Variants in PCSK5 observed in about 807,000 individuals in gnomAD.
PCSK5 encodes the protein proprotein convertase subtilisin/kexin type 5, also known as prohormone convertase 5.
In PCSK5, 129 loss-of-function variants were observed where a neutral mutation model predicts 233.2. The ratio of observed to expected loss-of-function variants is 0.55; its 90% CI spans 0.48 to 0.64. The LOEUF (loss-of-function observed/expected upper bound fraction) is 0.64. PCSK5 is among the 30% of genes least tolerant of loss of function. The probability of loss-of-function intolerance (pLI) is 0.00; values close to 1 mark genes in which losing one functional copy is unlikely to be tolerated. For missense variants in PCSK5, 2,076 were observed against 2,430.1 expected (o/e 0.85, Z 3.06); for synonymous variants, 825 against 879.2 (o/e 0.94, Z 1.09).
intron 8 of PCSK5, among the ~76,000 whole-genome samples, chr9:76,101,444 A>G (rs1831752604): frequency 6.6e-6 from 1 of 152,220 alleles, no homozygotes; most frequent in Non-Finnish European, 1.5e-5. Context: ...CAAAAAGCCT[A>G]AAAGATCCTA....
intron 15 of PCSK5, among the ~76,000 whole-genome samples, chr9:76,180,865 C>CTGT (rs1254871400): frequency 6.6e-6 from 1 of 150,560 alleles, no homozygotes; most frequent in Non-Finnish European, 1.5e-5. Flanking sequence ...AAATAAAGCT[C>CTGT]TGTGCTTCCA....
At chr9:76,084,689 A>G (rs1427925781) in intron 7 of PCSK5, among the ~76,000 whole-genome samples, 5 of 152,126 alleles carry the variant, frequency 3.3e-5, no homozygotes, top group Non-Finnish European at 7.3e-5. Context: ...GTCTTTACTA[A>G]TTTTGAATTT....
intron 2 of PCSK5, among the ~76,000 whole-genome samples, chr9:75,940,325 A>G (rs1182508938): frequency 6.6e-6 from 1 of 152,238 alleles, no homozygotes; most frequent in East Asian, 1.9e-4. Flanking sequence ...ATTCTCTTGG[A>G]AAAGCAATTG....
chr9:76,181,127 A>G (rs1330734773), intron 15 of PCSK5, among the ~76,000 whole-genome samples: 1 of 152,162 alleles, frequency 6.6e-6, no homozygotes, highest in Admixed American at 6.6e-5. Flanking sequence ...CCTCTCTGTA[A>G]CCATCATCAT....
chr9:76,006,886 T>G (rs1827500990), intron 3 of PCSK5, among the ~76,000 whole-genome samples: 1 of 152,230 alleles, frequency 6.6e-6, no homozygotes, highest in Non-Finnish European at 1.5e-5. Flanking sequence ...ATGTATTTTT[T>G]GGTGTGGAGG....
chr9:76,228,755 G>C (rs1050787702), intron 21 of PCSK5, among the ~76,000 whole-genome samples: 2 of 152,254 alleles, frequency 1.3e-5, no homozygotes, highest in Non-Finnish European at 2.9e-5. Flanking sequence ...CAAGGGTGAT[G>C]AGGCTGCTCC....
chr9:76,333,620 C>T (rs1011903451), intron 34 of PCSK5, among the ~76,000 whole-genome samples: 3 of 152,198 alleles, frequency 2.0e-5, no homozygotes, highest in African/African-American at 7.2e-5. Flanking sequence ...CTCCCCCAGG[C>T]ATTCCCAGTA....
intron 20 of PCSK5, among the ~76,000 whole-genome samples, chr9:76,226,363 G>A (rs34998326): frequency 0.094 from 14,344 of 152,214 alleles, 776 homozygotes; most frequent in Admixed American, 0.14. Context: ...CCAGTAAAGC[G>A]ATGGGGGAAA....
At chr9:76,004,271 G>T (rs1827385316) in intron 3 of PCSK5, among the ~76,000 whole-genome samples, 1 of 151,754 alleles carries the variant, frequency 6.6e-6, no homozygotes, top group African/African-American at 2.4e-5. Context: ...TTTTTCAGGA[G>T]TAGATGAGGA....
chr9:76,043,335 C>CAAAAAAAAA, intron 5 of PCSK5, among the ~76,000 whole-genome samples: 1 of 64,014 alleles, frequency 1.6e-5, no homozygotes, highest in Non-Finnish European at 2.9e-5. Context: ...GACTCCATCT[C>CAAAAAAAAA]AAAAAAAAAA....
At chr9:76,134,247 A>G in intron 10 of PCSK5, 35 bp downstream of exon 10, 1 of 1,303,884 alleles carries the variant, frequency 7.7e-7, no homozygotes, top group South Asian at 1.3e-5. Flanking sequence ...CACAGGCAAA[A>G]TATTTTTATT....
intron 2 of PCSK5, among the ~76,000 whole-genome samples, chr9:75,960,738 C>T (rs985515380): frequency 6.6e-6 from 1 of 152,174 alleles, no homozygotes; most frequent in African/African-American, 2.4e-5. Context: ...TATTAACATT[C>T]GACAGCTGTT....
In PCSK5 at chr9:76,310,700, G is replaced by C. The variant is rs1159583826; in HGVS notation, c.3733G>C (p.Gly1245Arg). 1 of 1,608,390 alleles carries C rather than the reference G, an allele frequency of 6.2e-7. No individual in the cohort carries two copies. The change falls in exon 30 of 38, where the codon GGC (glycine) becomes CGC (arginine). Residue 1245 changes from glycine to arginine, a missense_variant. This residue lies in a region of PCSK5 where 1,510 missense variants were observed against 1,538.1 expected (regional missense o/e 0.98). Transcript: ENST00000674117. ...AQACVSSCPQGTWPSVRSGSC... is the reference protein window; with the variant it reads ...AQACVSSCPQRTWPSVRSGSC... ...GGCCTGTGTTTCCTCCTGTCCCCAAGGCACATGGCCTTCCGTAAGGAGTGG... is the reference window on the plus strand; with the variant it reads ...GGCCTGTGTTTCCTCCTGTCCCCAACGCACATGGCCTTCCGTAAGGAGTGG...
intron 20 of PCSK5, among the ~76,000 whole-genome samples, chr9:76,212,940 T>C (rs753835096): frequency 6.6e-6 from 1 of 152,224 alleles, no homozygotes; most frequent in Admixed American, 6.5e-5. Flanking sequence ...TTATGTACCA[T>C]AGTCCCTCCT....
intron 5 of PCSK5, among the ~76,000 whole-genome samples, chr9:76,064,627 A>G (rs369104454): frequency 0.033 from 4,748 of 143,908 alleles, 162 homozygotes; most frequent in African/African-American, 0.11. Flanking sequence ...GGCAGCTGCC[A>G]GGCGGAGGGG....
Position 75,956,236 on chromosome 9 carries a change from C to T in PCSK5, c.297+23753C>T, listed in dbSNP as rs183075753. Among the ~76,000 whole-genome samples, 4 of 152,314 alleles carry T rather than the reference C, an allele frequency of 2.6e-5. No individual in the cohort carries two copies. In the East Asian group the frequency reaches 7.7e-4, roughly 29 times the overall value. On this transcript the variant is annotated intron_variant, in intron 2 of 37. Coordinates refer to ENST00000674117, the MANE Select transcript of PCSK5 (RefSeq NM_001372043.1). The stretch of plus-strand genomic sequence containing the variant: ...CATACTTTGCAATTCTTAGCATGAG[C>T]ACGTACTCTGTCTCAGCCCTTTACT...
intron 27 of PCSK5, among the ~76,000 whole-genome samples, chr9:76,300,440 G>A (rs1828566025): frequency 6.6e-6 from 1 of 152,166 alleles, no homozygotes; most frequent in Admixed American, 6.5e-5. Flanking sequence ...TGCCCAGATC[G>A]TTATATACTC....
chr9:76,358,406 A>G (rs1044213473), intron 37 of PCSK5, 107 bp from the exon 38 acceptor site: 24 of 841,912 alleles, frequency 2.9e-5, no homozygotes, highest in Non-Finnish European at 3.9e-5. Context: ...ACCATTTTCA[A>G]TTTTTAAAAT....
At chr9:76,236,833 G>A (rs147447985) in intron 22 of PCSK5, among the ~76,000 whole-genome samples, 277 of 152,304 alleles carry the variant, frequency 1.8e-3, no homozygotes, top group African/African-American at 6.4e-3. Context: ...AAATGGGATT[G>A]AAGAACACTT....
Sources: allele counts gnomAD v4.1 joint callset (sites outside exome capture counted in the v4.1 genomes callset), GRCh38; gene constraint gnomAD v4.1.1; regional missense constraint gnomAD v4.1.1; transcripts MANE v1.5; gene names NCBI Gene and HGNC (gene_info 2026-07-23, HGNC 2026-07-21).